GAB2: variants seen among roughly 807,000 people sequenced by gnomAD.
The protein encoded by GAB2 is GRB2-associated-binding protein 2.
In GAB2, 26 loss-of-function variants were observed where a neutral mutation model predicts 65.5. The ratio of observed to expected loss-of-function variants is 0.40; its 90% confidence interval spans 0.29 to 0.55. GAB2 has a LOEUF of 0.55. Among genes scored for constraint, GAB2 ranks in the 20% least tolerant of loss-of-function variants. GAB2 has a pLI of 0.53. For missense variants in GAB2, 884 were observed against 875.8 expected (o/e 1.01, Z -0.12); for synonymous variants, 321 against 329.6 (o/e 0.97, Z 0.28).
At chr11:78,417,070 GACAA>G (rs1857206936) in intron 1 of GAB2, among the ~76,000 whole-genome samples, 1 of 152,292 alleles carries the variant, frequency 6.6e-6, no homozygotes, top group Admixed American at 6.5e-5. Flanking sequence ...AAAGAAGGGG[GACAA>G]ACAAATGAGT....
chr11:78,299,067 G>A (rs559583288), intron 1 of GAB2, among the ~76,000 whole-genome samples: 3 of 152,226 alleles, frequency 2.0e-5, no homozygotes, highest in Non-Finnish European at 2.9e-5. Context: ...ACAGTCCAGG[G>A]ATACAAACCT....
intron 1 of GAB2, among the ~76,000 whole-genome samples, chr11:78,367,205 A>G (rs1022304035): frequency 1.3e-5 from 2 of 152,192 alleles, no homozygotes; most frequent in East Asian, 3.9e-4. Flanking sequence ...TTCTTCCTCC[A>G]TCTAGCAATA....
intron 1 of GAB2, among the ~76,000 whole-genome samples, chr11:78,374,456 A>T (rs1856608816): frequency 6.6e-6 from 1 of 152,130 alleles, no homozygotes; most frequent in African/African-American, 2.4e-5. Context: ...CCCGGGGGGG[A>T]ACCTGAAGTC....
At chr11:78,347,249 A>T (rs1856206695) in intron 1 of GAB2, among the ~76,000 whole-genome samples, 1 of 152,188 alleles carries the variant, frequency 6.6e-6, no homozygotes, top group Admixed American at 6.5e-5. Context: ...AGTTTCCAAC[A>T]TGCTTGCTGT....
chr11:78,341,669 G>T, intron 1 of GAB2: 2 of 616,420 alleles, frequency 3.2e-6, no homozygotes, highest in Non-Finnish European at 4.1e-6. Flanking sequence ...TGTCACTCTT[G>T]GGGTCTTGTT....
intron 1 of GAB2, among the ~76,000 whole-genome samples, chr11:78,283,077 A>C (rs974449524): frequency 6.6e-6 from 1 of 152,188 alleles, no homozygotes; most frequent in Non-Finnish European, 1.5e-5. Context: ...TTGCCCAACA[A>C]TCCTACTATA....
chr11:78,221,616 C>G, intron 8 of GAB2, 61 bp downstream of exon 8: 1 of 986,510 alleles, frequency 1.0e-6, no homozygotes, highest in Non-Finnish European at 1.6e-6. Context: ...AAGTGGGGAA[C>G]TGAGGGGTGG....
At chr11:78,220,220 G>T in intron 9 of GAB2, 99 bp downstream of exon 9, 1 of 1,249,594 alleles carries the variant, frequency 8.0e-7, no homozygotes, top group Non-Finnish European at 1.1e-6. Flanking sequence ...GAGGGAGGCT[G>T]AGTGCTGCTG....
At chr11:78,381,079 A>C (rs1374424739) in intron 1 of GAB2, among the ~76,000 whole-genome samples, 2 of 152,124 alleles carry the variant, frequency 1.3e-5, no homozygotes, top group African/African-American at 2.4e-5. Flanking sequence ...ACTCTACTTA[A>C]TCGTATTTTC....
intron 3 of GAB2, among the ~76,000 whole-genome samples, chr11:78,239,986 C>A (rs1476944075): frequency 2.6e-5 from 4 of 152,032 alleles, no homozygotes; most frequent in Admixed American, 2.6e-4. Flanking sequence ...CATTCCAAAG[C>A]TGAGCTGTGA....
intron 1 of GAB2, among the ~76,000 whole-genome samples, chr11:78,393,863 ATG>A (rs1175044584): frequency 2.0e-5 from 3 of 152,248 alleles, no homozygotes; most frequent in Admixed American, 6.5e-5. Flanking sequence ...AGAATGTTGA[ATG>A]TGACTTTTTC....
intron 2 of GAB2, among the ~76,000 whole-genome samples, chr11:78,267,644 G>A (rs909757400): frequency 3.3e-5 from 5 of 151,900 alleles, no homozygotes; most frequent in African/African-American, 7.3e-5. Flanking sequence ...AGATGACGAG[G>A]TCAGGAGATC....
intron 2 of GAB2, among the ~76,000 whole-genome samples, chr11:78,274,965 CGTT>C (rs1300503191): frequency 3.9e-5 from 6 of 152,180 alleles, no homozygotes; most frequent in African/African-American, 1.2e-4. Flanking sequence ...TGGGTCAAAT[CGTT>C]GTTGTTTCAA....
intron 1 of GAB2, among the ~76,000 whole-genome samples, chr11:78,383,927 C>G (rs1029115683): frequency 6.6e-6 from 1 of 152,154 alleles, no homozygotes; most frequent in Non-Finnish European, 1.5e-5. Flanking sequence ...CGTGACATTG[C>G]TGGCTTTCCT....
intron 1 of GAB2, among the ~76,000 whole-genome samples, chr11:78,393,778 A>C (rs1856861645): frequency 6.6e-6 from 1 of 152,184 alleles, no homozygotes; most frequent in Admixed American, 6.5e-5. Context: ...GTTACCACTT[A>C]TTTATAGAGT....
At chr11:78,310,921 A>G (rs1855486662) in intron 1 of GAB2, among the ~76,000 whole-genome samples, 1 of 152,222 alleles carries the variant, frequency 6.6e-6, no homozygotes, top group Non-Finnish European at 1.5e-5. Context: ...ACAGGGGAAA[A>G]AAGTTTGATT....
chr11:78,250,219 G>A lies in GAB2; in HGVS notation c.558C>T (p.Thr186=), dbSNP rs34432093. The change falls in exon 3 of 10, where the codon ACC becomes ACT. Residue 186 remains threonine, a synonymous_variant. Transcript: ENST00000361507. ...AGTAGAGATACTCCTGAGGTGCGCTGGTGGACAAGGTGGGCTGCATGTGGT... is the reference window on the plus strand; with the variant it reads ...AGTAGAGATACTCCTGAGGTGCGCTAGTGGACAAGGTGGGCTGCATGTGGT... ...VSNHMQPTLS[T]SAPQEYLYLH... is the part of the protein sequence containing the mutation. The A allele has an allele frequency of 5.1e-4, 818 of 1,613,350 alleles. 1 individual carries two copies. The highest frequency in any genetic ancestry group is 3.7e-4 in the Non-Finnish European group (440 of 1,179,876).
At chr11:78,386,298 T>G (rs1164886535) in intron 1 of GAB2, among the ~76,000 whole-genome samples, 1 of 152,172 alleles carries the variant, frequency 6.6e-6, no homozygotes, top group African/African-American at 2.4e-5. Flanking sequence ...ACTACCACAA[T>G]GTCTTCTGTC....
At chr11:78,342,474 TCTCGG>T (rs1392670708) in intron 1 of GAB2, among the ~76,000 whole-genome samples, 2 of 140,936 alleles carry the variant, frequency 1.4e-5, no homozygotes, top group Non-Finnish European at 3.0e-5. Context: ...CAGTGGCACA[TCTCGG>T]CTCACTACAA....
Sources: gnomAD v4.1 joint callset for allele counts (sites outside exome capture counted in the v4.1 genomes callset) on GRCh38, gnomAD v4.1.1 for gene constraint, MANE v1.5 for transcripts, NCBI Gene and HGNC (gene_info 2026-07-23, HGNC 2026-07-21) for gene names.